CYREN: variants seen among roughly 807,000 people sequenced by gnomAD.
CYREN encodes the protein cell cycle regulator of non-homologous end joining.
CYREN carries 7 observed loss-of-function variants against 9.7 expected under a neutral mutation model. The observed-to-expected ratio is 0.72, with a 90% CI of 0.41 to 1.36. The LOEUF (loss-of-function observed/expected upper bound fraction) is 1.36, where lower values mean the gene tolerates loss of function less well. CYREN is among the 40% of genes most tolerant of loss of function. The probability of loss-of-function intolerance (pLI) is 0.01; values close to 1 mark genes in which losing one functional copy is unlikely to be tolerated. For missense variants in CYREN, 215 were observed against 198.1 expected, an observed-to-expected ratio of 1.09 and a Z score of -0.51; for synonymous variants, 76 against 77.9, an observed-to-expected ratio of 0.98 and a Z score of 0.13.
intron 2 of CYREN, among the ~76,000 whole-genome samples, chr7:135,158,739 G>T (rs1331034363): frequency 6.6e-6 from 1 of 152,160 alleles, no homozygotes; most frequent in Non-Finnish European, 1.5e-5. Context: ...ACTCACATCT[G>T]TCTCAATAGC....
Position 135,166,703 on chromosome 7 carries a change from G to A in CYREN, c.382C>T (p.Pro128Ser), listed in dbSNP as rs750215020. ...CTACAGGCAGAGCTGGAACCCCCCG[G>A]CCTCTGGGAAGGGCTGAGGCCTGGA... Reference protein sequence around the residue: ...LAPGLSPSQRPGGSSSACSRS... With the variant: ...LAPGLSPSQRSGGSSSACSRS... The change falls in exon 4 of 4, where the codon CCG becomes TCG. Residue 128 changes from proline (P) to serine (S), a missense_variant. Physicochemically the swap from Pro to Ser is moderately conservative, Grantham distance 74 (BLOSUM62 -1). Transcript: ENST00000393114. 1.9e-6 allele frequency: 3 copies of A among 1,613,070 alleles called. No homozygotes were observed. The highest frequency in any genetic ancestry group is 2.5e-6 in the Non-Finnish European group (3 of 1,180,026).
At chr7:135,152,159 T>C (rs1170596715) in intron 2 of CYREN, among the ~76,000 whole-genome samples, 2 of 152,218 alleles carry the variant, frequency 1.3e-5, no homozygotes, top group Non-Finnish European at 2.9e-5. Flanking sequence ...ATTTTACAGA[T>C]GAAAAATCTA....
chr7:135,153,049 A>T (rs937536876), intron 2 of CYREN: 2 of 152,252 alleles, frequency 1.3e-5, no homozygotes, highest in African/African-American at 4.8e-5. Context: ...CCAAAGGAAG[A>T]CATACAAGTG....
chr7:135,171,326 TAAAAAA>T (rs5887722), upstream of CYREN, among the ~76,000 whole-genome samples: 1 of 149,198 alleles, frequency 6.7e-6, no homozygotes, highest in South Asian at 2.1e-4. Flanking sequence ...TTTTTTTTTT[TAAAAAA>T]AAAAGGAAGT....
intron 2 of CYREN, among the ~76,000 whole-genome samples, chr7:135,157,464 G>T (rs1187835009): frequency 6.6e-6 from 1 of 152,236 alleles, no homozygotes. Context: ...GGCAACAGTG[G>T]GGTAAGTGTG....
At chr7:135,121,713 G>T (rs1455910353) in intron 2 of CYREN, among the ~76,000 whole-genome samples, 3 of 152,138 alleles carry the variant, frequency 2.0e-5, no homozygotes, top group African/African-American at 7.2e-5. Flanking sequence ...AGGTATCCAG[G>T]TTCTCTCATC....
chr7:135,147,791 C>A (rs1441816869), intron 2 of CYREN: 3 of 456,228 alleles, frequency 6.6e-6, no homozygotes, highest in Non-Finnish European at 1.3e-5. Context: ...GAATAAAATT[C>A]CGGGTTGTGT....
At chr7:135,162,214 C>T (rs1829959652), downstream of CYREN, among the ~76,000 whole-genome samples, 1 of 152,192 alleles carries the variant, frequency 6.6e-6, no homozygotes, top group Non-Finnish European at 1.5e-5. Context: ...AGCTGTTCCC[C>T]CAGAGGGGTC....
chr7:135,137,863 CCTT>C (rs1829382215), intron 2 of CYREN, among the ~76,000 whole-genome samples: 2 of 152,054 alleles, frequency 1.3e-5, no homozygotes, highest in African/African-American at 4.8e-5. Flanking sequence ...TTGCAGGTGG[CCTT>C]CTTGTTGTAT....
chr7:135,115,387 C>T, intron 2 of CYREN: 1 of 1,549,776 alleles, frequency 6.5e-7, no homozygotes, highest in South Asian at 1.2e-5. Context: ...CAGATCTGCA[C>T]CACAACTTAA....
chr7:135,147,758 G>T (rs896453291), intron 2 of CYREN: 2 of 456,142 alleles, frequency 4.4e-6, no homozygotes, highest in Admixed American at 4.7e-5. Context: ...GCTTGGACCA[G>T]ATGATCCTGA....
In CYREN at chr7:135,114,882, C is replaced by T. The variant is rs55959023; in HGVS notation, n.357-20300G>A. Among the ~76,000 whole-genome samples, 351 of 152,260 alleles carry T rather than the reference C, an allele frequency of 2.3e-3. 2 individuals are homozygous for T. Among genetic ancestry groups the T allele is most frequent in the Non-Finnish European group, 3.6e-3 (246 of 68,014 alleles). On this transcript the variant is annotated intron_variant and non_coding_transcript_variant, in intron 2 of 2. Coordinates refer to the CYREN transcript ENST00000459937. ...CTCACACTCAGTAAAAATCAAAGTC[C>T]TTCTACTGGCTTTGAGGCCCAACAT...
chr7:135,155,663 C>T (rs980161836), intron 2 of CYREN, among the ~76,000 whole-genome samples: 1 of 152,022 alleles, frequency 6.6e-6, no homozygotes, highest in African/African-American at 2.4e-5. Flanking sequence ...CCAACCGGGG[C>T]AAAATAGCAA....
intron 2 of CYREN, chr7:135,135,072 G>A: frequency 6.4e-7 from 1 of 1,551,210 alleles, no homozygotes; most frequent in Non-Finnish European, 8.7e-7. Context: ...TCAGCAGCAA[G>A]TGGGAGACTG....
intron 2 of CYREN, among the ~76,000 whole-genome samples, chr7:135,113,226 T>C (rs1033571368): frequency 1.3e-5 from 2 of 152,234 alleles, no homozygotes; most frequent in African/African-American, 4.8e-5. Context: ...TATTTATCTT[T>C]TTATTTTCCT....
intron 2 of CYREN, chr7:135,115,383 T>C (rs1189523078): frequency 1.9e-6 from 3 of 1,548,188 alleles, no homozygotes; most frequent in Middle Eastern, 1.7e-4. Context: ...TCCCCAGATC[T>C]GCACCACAAC....
At chr7:135,164,266 G>T (rs754170435), downstream of CYREN, among the ~76,000 whole-genome samples, 1 of 152,226 alleles carries the variant, frequency 6.6e-6, no homozygotes, top group African/African-American at 2.4e-5. Flanking sequence ...CTGGCAGGAG[G>T]TTACCTCAGA....
At chr7:135,170,481 C>A (rs954183493) in intron 1 of CYREN, 171 bp downstream of exon 1, 1 of 152,330 alleles carries the variant, frequency 6.6e-6, no homozygotes, top group African/African-American at 2.4e-5. Flanking sequence ...CCCCGCCACA[C>A]GCCGGGCAGG....
At chr7:135,114,576 T>A (rs1038536788) in intron 2 of CYREN, among the ~76,000 whole-genome samples, 1 of 151,898 alleles carries the variant, frequency 6.6e-6, no homozygotes, top group Admixed American at 6.6e-5. Flanking sequence ...CACCACTGAT[T>A]CCTCTCTTAT....
Sources: gnomAD v4.1 joint callset for allele counts (sites outside exome capture counted in the v4.1 genomes callset) on GRCh38, gnomAD v4.1.1 for gene constraint, MANE v1.5 for transcripts, NCBI Gene and HGNC (gene_info 2026-07-23, HGNC 2026-07-21) for gene names.